TMEM156: variants seen among roughly 807,000 people sequenced by gnomAD.
TMEM156 encodes transmembrane protein 156.
Under a neutral mutation model 30.5 loss-of-function variants are expected in TMEM156, and 28 were observed. That is an observed-to-expected ratio of 0.92 (90% CI 0.68 to 1.26). The LOEUF (loss-of-function observed/expected upper bound fraction) is 1.26, where lower values mean the gene tolerates loss of function less well. Ranked by LOEUF, TMEM156 falls within the 50% of genes most tolerant of loss-of-function variation. The pLI is 0.00. For missense variants in TMEM156, 351 were observed against 340.6 expected (o/e 1.03, Z -0.24); for synonymous variants, 137 against 119.9 (o/e 1.14, Z -0.93).
chr4:39,030,761 A>G lies in TMEM156; in HGVS notation c.88+1465T>C, dbSNP rs560423880. On this transcript the variant is annotated intron_variant, in intron 1 of 6. Transcript: ENST00000381938. ...TAGCTAGCTAGCTAGATAGATATAT[A>G]GATAGAACCTACTCCGGATAACTAT... Among the ~76,000 whole-genome samples, 130 of 152,318 alleles carry G rather than the reference A, an allele frequency of 8.5e-4. 2 individuals are homozygous for G. Among genetic ancestry groups the G allele is most frequent in the Non-Finnish European group, 2.9e-5 (2 of 68,018 alleles).
At chr4:39,026,047 C>A (rs1432346934) in intron 1 of TMEM156, among the ~76,000 whole-genome samples, 1 of 152,140 alleles carries the variant, frequency 6.6e-6, no homozygotes, top group Non-Finnish European at 1.5e-5. Context: ...TTGCTTGAAA[C>A]ACATCAGTGA....
intron 1 of TMEM156, among the ~76,000 whole-genome samples, chr4:39,005,258 T>C (rs1713652338): frequency 6.6e-6 from 1 of 152,218 alleles, no homozygotes; most frequent in Non-Finnish European, 1.5e-5. Flanking sequence ...AATCTCATCT[T>C]GAATTATAAT....
chr4:38,970,909 A>G (rs1311341111), intron 6 of TMEM156, 123 bp downstream of exon 6: 2 of 607,070 alleles, frequency 3.3e-6, no homozygotes, highest in Admixed American at 6.1e-5. Context: ...ATATGAACTG[A>G]CTTTGCAAAT....
intron 5 of TMEM156, among the ~76,000 whole-genome samples, chr4:38,978,255 A>G (rs1722977155): frequency 6.8e-6 from 1 of 147,752 alleles, no homozygotes; most frequent in South Asian, 2.2e-4. Flanking sequence ...TTGGAAAGCC[A>G]AAAGTAACTT....
chr4:38,975,403 GAC>G lies in TMEM156; in HGVS notation c.824-4268_824-4267del. Among the ~76,000 whole-genome samples the G allele has an allele frequency of 3.3e-5, 4 of 120,132 alleles. 1 individual carries two copies. In the Admixed American group the frequency reaches 4.1e-4, roughly 12 times the overall value. The allele number at this position is 120,132 out of a possible 152,430, so 78.8% of individuals were successfully genotyped here. A position where few individuals can be genotyped will look rare whatever the true frequency, so the allele number is the denominator to read the frequency against. On this transcript the variant is annotated intron_variant, in intron 5 of 6. Coordinates refer to ENST00000381938, the MANE Select transcript of TMEM156 (RefSeq NM_024943.3). ...TCTTTTCTTTTTTTTTTTTTTTTGAGACAGAGTCTCGCTTTTTCACCCAAGCT... is the reference window on the plus strand; with the variant it reads ...TCTTTTCTTTTTTTTTTTTTTTTGAGAGAGTCTCGCTTTTTCACCCAAGCT...
At chr4:39,000,908 T>G (rs532443491) in intron 1 of TMEM156, among the ~76,000 whole-genome samples, 1 of 151,996 alleles carries the variant, frequency 6.6e-6, no homozygotes, top group Non-Finnish European at 1.5e-5. Context: ...TTTAATTAAA[T>G]TAAATGCAAA....
chr4:39,024,986 G>A (rs1279732962), intron 1 of TMEM156, among the ~76,000 whole-genome samples: 1 of 152,122 alleles, frequency 6.6e-6, no homozygotes, highest in Non-Finnish European at 1.5e-5. Flanking sequence ...TTATGGTTTA[G>A]CTGCCTAATT....
chr4:39,006,979 T>C (rs746640189), intron 1 of TMEM156, among the ~76,000 whole-genome samples: 13 of 152,002 alleles, frequency 8.6e-5, no homozygotes, highest in South Asian at 2.1e-4. Context: ...AAACATGGAA[T>C]TGTATACAGT....
chr4:39,017,238 C>T (rs1714555107), intron 1 of TMEM156, among the ~76,000 whole-genome samples: 1 of 144,090 alleles, frequency 6.9e-6, no homozygotes, highest in African/African-American at 2.6e-5. Context: ...TCAGTGGCAC[C>T]ATATCAGCTC....
chr4:39,005,711 C>T lies in TMEM156; in HGVS notation c.89-6802G>A, dbSNP rs547560501. Among the ~76,000 whole-genome samples, 25 of 152,144 alleles carry T rather than the reference C, an allele frequency of 1.6e-4. 1 individual carries two copies. The South Asian group carries it at 1.9e-3, about 11-fold the overall frequency. On this transcript the variant is annotated intron_variant, in intron 1 of 6. Coordinates refer to ENST00000381938, the MANE Select transcript of TMEM156 (RefSeq NM_024943.3). ...CTTAAAGTAGGAGCATTTTGCTGTA[C>T]GTAAATTATATGTCTGTGAAGTTGA... is the stretch of plus-strand genomic sequence containing the variant.
At chr4:38,979,931 G>GT (rs1723095120) in intron 5 of TMEM156, among the ~76,000 whole-genome samples, 1 of 152,114 alleles carries the variant, frequency 6.6e-6, no homozygotes, top group Non-Finnish European at 1.5e-5. Context: ...ACATCATTCT[G>GT]ACCTTTTCAT....
intron 1 of TMEM156, among the ~76,000 whole-genome samples, chr4:39,031,229 T>C (rs959333693): frequency 1.3e-5 from 2 of 152,230 alleles, no homozygotes; most frequent in African/African-American, 4.8e-5. Flanking sequence ...GGAGCACAAT[T>C]ACCATTTGAA....
Position 38,971,017 on chromosome 4 carries a change from C to T in TMEM156, c.*38+15G>A, listed in dbSNP as rs1722570262. ...TTTATAATGAAGAAGTCGATAAAGCCGAATCATCACTCACCGTGTATATTG... is the reference window on the plus strand; with the variant it reads ...TTTATAATGAAGAAGTCGATAAAGCTGAATCATCACTCACCGTGTATATTG... On this transcript the variant is annotated intron_variant, in intron 6 of 6. Coordinates refer to ENST00000381938, the MANE Select transcript of TMEM156 (RefSeq NM_024943.3). 10 of 1,510,032 alleles carry T rather than the reference C, an allele frequency of 6.6e-6. No homozygotes were observed. The highest frequency in any genetic ancestry group is 5.2e-5 in the Admixed American group (3 of 57,978). 93.5% of individuals were successfully genotyped at this position (1,510,032 alleles called of 1,614,324 possible). A position where few individuals can be genotyped will look rare whatever the true frequency, so the allele number is the denominator to read the frequency against.
chr4:38,990,833 T>G lies in TMEM156; in HGVS notation c.620-1863A>C, dbSNP rs935944094. ...TGTTTTTTTGGTTTGTTTTCTGGTTTTTTTTTTTTTTTTTTTTTTTGAGAG... is the reference window on the plus strand; with the variant it reads ...TGTTTTTTTGGTTTGTTTTCTGGTTGTTTTTTTTTTTTTTTTTTTTGAGAG... On this transcript the variant is annotated intron_variant, in intron 3 of 6. Transcript: ENST00000381938. 1.3e-3 allele frequency among the ~76,000 whole-genome samples: 152 copies of G among 117,188 alleles called. 3 individuals are homozygous for G. The highest frequency in any genetic ancestry group is 2.2e-3 in the Non-Finnish European group (122 of 54,454). The allele number at this position is 117,188 out of a possible 152,430, so 76.9% of individuals were successfully genotyped here.
At position 39,032,203 on chromosome 4, in the gene TMEM156, C is replaced by T. The variant is rs1294787331; in HGVS notation, c.88+23G>A. The T allele has an allele frequency of 2.7e-6, 4 of 1,461,122 alleles. No homozygotes were observed. In the South Asian group the frequency reaches 4.7e-5, roughly 17 times the overall value. 90.5% of individuals were successfully genotyped at this position (1,461,122 alleles called of 1,614,324 possible). A position where few individuals can be genotyped will look rare whatever the true frequency, so the allele number is the denominator to read the frequency against. On this transcript the variant is annotated intron_variant, in intron 1 of 6. Coordinates refer to ENST00000381938, the MANE Select transcript of TMEM156 (RefSeq NM_024943.3). ...ATTTTTTTAAATTAAGAAAGGAAAGCTAGATTACAATTATATACTCACCTT... is the reference window on the plus strand; with the variant it reads ...ATTTTTTTAAATTAAGAAAGGAAAGTTAGATTACAATTATATACTCACCTT...
Position 39,017,288 on chromosome 4 carries a change from C to T in TMEM156, c.88+14938G>A, listed in dbSNP as rs1714559669. 1.3e-5 allele frequency among the ~76,000 whole-genome samples: 2 copies of T among 151,072 alleles called. 1 individual carries two copies. Among genetic ancestry groups the T allele is most frequent in the Admixed American group, 1.3e-4 (2 of 15,132 alleles). ...CTCCCAGGTTCACACCATTCTCCTG[C>T]CTCAGCCTCCCGAGTAGCTGGGACT... On this transcript the variant is annotated intron_variant, in intron 1 of 6. Transcript: ENST00000381938.
chr4:39,018,560 T>C (rs1438098081), intron 1 of TMEM156, among the ~76,000 whole-genome samples: 2 of 152,222 alleles, frequency 1.3e-5, no homozygotes, highest in African/African-American at 2.4e-5. Context: ...GTTGTTTACC[T>C]GAAAATATAC....
chr4:39,016,511 T>A (rs1196655056), intron 1 of TMEM156, among the ~76,000 whole-genome samples: 1 of 152,228 alleles, frequency 6.6e-6, no homozygotes, highest in Non-Finnish European at 1.5e-5. Flanking sequence ...TATCTTATTG[T>A]TCTTTTTCTG....
At chr4:39,029,198 A>T (rs1377046844) in intron 1 of TMEM156, among the ~76,000 whole-genome samples, 2 of 152,166 alleles carry the variant, frequency 1.3e-5, no homozygotes, top group African/African-American at 4.8e-5. Context: ...CATGTTAAAG[A>T]CAGGGTATCA....
Sources: gnomAD v4.1 joint callset for allele counts (sites outside exome capture counted in the v4.1 genomes callset) on GRCh38, gnomAD v4.1.1 for gene constraint, MANE v1.5 for transcripts, NCBI Gene and HGNC (gene_info 2026-07-23, HGNC 2026-07-21) for gene names.